Variants in PIP5K1A observed in about 807,000 individuals in gnomAD.
PIP5K1A encodes the protein phosphatidylinositol-4-phosphate 5-kinase type 1 alpha.
PIP5K1A carries 46 observed loss-of-function variants against 72.9 expected under a neutral mutation model. That is an observed-to-expected ratio of 0.63 (90% CI 0.50 to 0.81). PIP5K1A has a LOEUF of 0.81. Among genes scored for constraint, PIP5K1A ranks in the 30% least tolerant of loss-of-function variants. The pLI is 0.00. For synonymous variants in PIP5K1A, 228 were observed against 255.1 expected (o/e 0.89, Z 1.01); for missense variants, 458 against 706.1 (o/e 0.65, Z 3.98).
chr1:151,233,877 T>C (rs1023834358), intron 7 of PIP5K1A: 1 of 270,348 alleles, frequency 3.7e-6, no homozygotes, highest in African/African-American at 2.2e-5. Context: ...TTACCTGCCT[T>C]ACCATCCCCA....
At chr1:151,204,726 C>T (rs75435733) in intron 1 of PIP5K1A, among the ~76,000 whole-genome samples, 5,634 of 152,192 alleles carry the variant, frequency 0.037, 352 homozygotes, top group African/African-American at 0.13. Context: ...CACTTTCCAC[C>T]CACCCCTTTT....
chr1:151,240,132 G>T, intron 12 of PIP5K1A, 93 bp downstream of exon 12: 1 of 852,852 alleles, frequency 1.2e-6, no homozygotes, highest in Admixed American at 2.0e-5. Flanking sequence ...GTAGGGAGCT[G>T]CCAATGCCAG....
In PIP5K1A at chr1:151,199,028, C is replaced by T. The variant is rs1011266712; in HGVS notation, c.32C>T (p.Ser11Leu). The change falls in exon 1 of 16, where the codon TCG becomes TTG. Residue 11 changes from serine (S) to leucine (L), a missense_variant. Ser to Leu is a moderately radical substitution (Grantham distance 145). Coordinates refer to ENST00000368888, the MANE Select transcript of PIP5K1A (RefSeq NM_001135638.2). The part of the protein sequence containing the change: MASASSGPSS[S>L]VGFSSFDPAV... ...TCGGCCTCCTCCGGGCCGTCGTCTT[C>T]GGTCGGTTTTTCATCCTTTGATCCC... The T allele has an allele frequency of 6.2e-5, 100 of 1,614,060 alleles. No individual in the cohort carries two copies. The highest frequency in any genetic ancestry group is 8.3e-5 in the Non-Finnish European group (98 of 1,180,046).
chr1:151,205,204 C>T (rs1045331184), intron 1 of PIP5K1A, among the ~76,000 whole-genome samples: 1 of 152,066 alleles, frequency 6.6e-6, no homozygotes, highest in South Asian at 2.1e-4. Context: ...CTTGCTCTGT[C>T]GCCCAGGCTA....
chr1:151,214,424 A>AGG (rs1687287542), intron 1 of PIP5K1A, among the ~76,000 whole-genome samples: 1 of 151,962 alleles, frequency 6.6e-6, no homozygotes, highest in Non-Finnish European at 1.5e-5. Context: ...TCTGTTGCCC[A>AGG]GGCTGGATTT....
chr1:151,209,420 G>A (rs1365023783), intron 1 of PIP5K1A, among the ~76,000 whole-genome samples: 2 of 148,178 alleles, frequency 1.3e-5, no homozygotes, highest in African/African-American at 2.5e-5. Context: ...ACAGGCGCGT[G>A]CCACCATGCC....
At chr1:151,220,597 T>G (rs1688280260) in intron 1 of PIP5K1A, among the ~76,000 whole-genome samples, 1 of 152,196 alleles carries the variant, frequency 6.6e-6, no homozygotes, top group Non-Finnish European at 1.5e-5. Context: ...CCTCCAAGTA[T>G]TTGGGATTAC....
chr1:151,234,257 G>T lies in PIP5K1A; in HGVS notation c.700G>T (p.Ala234Ser), dbSNP rs770221352. 3 of 1,613,900 alleles carry T rather than the reference G, an allele frequency of 1.9e-6. No individual in the cohort carries two copies. Among genetic ancestry groups the T allele is most frequent in the Non-Finnish European group, 2.5e-6 (3 of 1,179,910 alleles). The change falls in exon 8 of 16, where the codon GCA becomes TCA. Residue 234 changes from alanine (A) to serine (S), a missense_variant. Coordinates refer to ENST00000368888, the MANE Select transcript of PIP5K1A (RefSeq NM_001135638.2). Reference sequence around the variant, plus strand: ...ATTCTATGGACTGTACTGTGTGCAGGCAGGTGGCAAGAACATTCGGATTGT... The same window carrying T: ...ATTCTATGGACTGTACTGTGTGCAGTCAGGTGGCAAGAACATTCGGATTGT... The part of the protein sequence containing the change: ...PKFYGLYCVQ[A>S]GGKNIRIVVM...
intron 4 of PIP5K1A, 110 bp from the exon 5 acceptor site, chr1:151,231,561 C>T (rs1209282366): frequency 1.1e-6 from 1 of 924,276 alleles, no homozygotes; most frequent in Non-Finnish European, 1.7e-6. Flanking sequence ...ATTGCTCAGA[C>T]TAAAGGATGT....
chr1:151,206,030 C>T (rs1389598389), intron 1 of PIP5K1A, among the ~76,000 whole-genome samples: 1 of 152,074 alleles, frequency 6.6e-6, no homozygotes, highest in Admixed American at 6.6e-5. Flanking sequence ...CCCTATTGCA[C>T]CTCACTTCTC....
At chr1:151,208,154 C>T (rs1686211716) in intron 1 of PIP5K1A, among the ~76,000 whole-genome samples, 1 of 152,046 alleles carries the variant, frequency 6.6e-6, no homozygotes, top group Admixed American at 6.6e-5. Context: ...GCCACCGGGC[C>T]CAGCTGGCTC....
chr1:151,198,860 G>C lies in PIP5K1A; in HGVS notation c.-137G>C, dbSNP rs1405066231. 10 of 808,598 alleles carry C rather than the reference G, an allele frequency of 1.2e-5. No homozygotes were observed. The highest frequency in any genetic ancestry group is 2.1e-5 in the Non-Finnish European group (10 of 484,622). The allele number at this position is 808,598 out of a possible 1,614,324, so 50.1% of individuals were successfully genotyped here. A position where few individuals can be genotyped will look rare whatever the true frequency, so the allele number is the denominator to read the frequency against. ...CAGGAGCCGGCTCGACGTGTCTGAGGGAGGCCCCGGAGGGGGCGGGGAGGT... is the reference window on the plus strand; with the variant it reads ...CAGGAGCCGGCTCGACGTGTCTGAGCGAGGCCCCGGAGGGGGCGGGGAGGT... On this transcript the variant is annotated 5_prime_UTR_variant, in exon 1 of 16. Coordinates refer to ENST00000368888, the MANE Select transcript of PIP5K1A (RefSeq NM_001135638.2).
rs757909566 is a variant in PIP5K1A at position 151,199,013 on chromosome 1, C to A, written c.17C>A (p.Ser6Tyr). 6.2e-7 allele frequency: 1 copy of A among 1,614,154 alleles called. No homozygotes were observed. The highest frequency in any genetic ancestry group is 8.5e-7 in the Non-Finnish European group (1 of 1,180,010). Residue 6 changes from serine to tyrosine, a missense_variant, in exon 1 of 16, where the codon TCC becomes TAC. Ser to Tyr is a moderately radical substitution (Grantham distance 144). Transcript: ENST00000368888. ...GCTGCTAAGATGGCGTCGGCCTCCT[C>A]CGGGCCGTCGTCTTCGGTCGGTTTT... MASAS[S>Y]GPSSSVGFSS... is the part of the protein sequence containing the mutation.
chr1:151,221,931 AG>A (rs1254803174), intron 1 of PIP5K1A, among the ~76,000 whole-genome samples: 1 of 151,974 alleles, frequency 6.6e-6, no homozygotes, highest in African/African-American at 2.4e-5. Flanking sequence ...TAGCAAAAAA[AG>A]CAAAATCAGC....
At position 151,242,444 on chromosome 1, in the gene PIP5K1A, A is replaced by G. The variant is rs1691883142; in HGVS notation, c.1517A>G (p.His506Arg). The G allele has an allele frequency of 6.2e-7, 1 of 1,613,838 alleles. No individual in the cohort carries two copies. The highest frequency in any genetic ancestry group is 8.5e-7 in the Non-Finnish European group (1 of 1,180,002). ...TTKAEVEPGV[H>R]LGRPDVLPQT... is the part of the protein sequence containing the mutation. ...TTCTCTATCTTTTTTCCAGGCGTTC[A>G]CCTTGGTCGTCCTGATGTTTTACCT... The change falls in exon 14 of 16, where the codon CAC becomes CGC. Residue 506 changes from histidine to arginine, a missense_variant. Physicochemically the swap from His to Arg is conservative, Grantham distance 29. Transcript: ENST00000368888.
chr1:151,241,483 G>A (rs1423754960), intron 12 of PIP5K1A, among the ~76,000 whole-genome samples: 3 of 151,342 alleles, frequency 2.0e-5, no homozygotes, highest in African/African-American at 4.9e-5. Context: ...CAGCCTGGGC[G>A]ACAGAGCAAG....
chr1:151,235,601 A>G (rs1351819358), intron 8 of PIP5K1A, among the ~76,000 whole-genome samples: 1 of 152,234 alleles, frequency 6.6e-6, no homozygotes, highest in Non-Finnish European at 1.5e-5. Flanking sequence ...AATTGAAGCT[A>G]GTCATACAAG....
At chr1:151,203,802 GAC>G (rs1685546128) in intron 1 of PIP5K1A, among the ~76,000 whole-genome samples, 1 of 148,644 alleles carries the variant, frequency 6.7e-6, no homozygotes, top group African/African-American at 2.5e-5. Flanking sequence ...CCATCCTGGA[GAC>G]AGAGTGAGAC....
chr1:151,236,261 C>T (rs587614192), intron 8 of PIP5K1A, among the ~76,000 whole-genome samples: 4 of 152,070 alleles, frequency 2.6e-5, no homozygotes, highest in African/African-American at 9.6e-5. Flanking sequence ...AGGCAGATCC[C>T]TTGAGCCCAG....
Sources: gnomAD v4.1 joint callset for allele counts (sites outside exome capture counted in the v4.1 genomes callset) on GRCh38, gnomAD v4.1.1 for gene constraint, MANE v1.5 for transcripts, NCBI Gene and HGNC (gene_info 2026-07-23, HGNC 2026-07-21) for gene names.